TRPC4AP: variants seen among roughly 807,000 people sequenced by gnomAD.
TRPC4AP encodes the protein short transient receptor potential channel 4-associated protein.
TRPC4AP carries 45 observed loss-of-function variants against 99.0 expected under a neutral mutation model. That is an observed-to-expected ratio of 0.45 (90% CI 0.36 to 0.58). The LOEUF (loss-of-function observed/expected upper bound fraction) is 0.58. TRPC4AP is among the 20% of genes least tolerant of loss of function. The pLI is 0.00. For missense variants in TRPC4AP, 879 were observed against 985.3 expected, an observed-to-expected ratio of 0.89 and a Z score of 1.44; for synonymous variants, 408 against 385.8, an observed-to-expected ratio of 1.06 and a Z score of -0.67.
chr20:35,028,496 A>G (rs964201544), intron 8 of TRPC4AP, among the ~76,000 whole-genome samples: 2 of 152,124 alleles, frequency 1.3e-5, no homozygotes, highest in African/African-American at 4.8e-5. Flanking sequence ...CAAGTTTGTT[A>G]TTTATTTCTA....
At chr20:35,017,678 T>TAA (rs1322112207) in intron 9 of TRPC4AP, among the ~76,000 whole-genome samples, 4 of 152,222 alleles carry the variant, frequency 2.6e-5, no homozygotes, top group African/African-American at 7.2e-5. Flanking sequence ...TGCCCCTTTC[T>TAA]AGCCCACTAC....
rs147928168 is a variant in TRPC4AP at position 35,016,217 on chromosome 20, C to T, written c.1219-78G>A. ...AGCAAAACCTCGTGCTCAGTACACACGATAATGATATTCAGGACAAGTATC... is the reference window on the plus strand; with the variant it reads ...AGCAAAACCTCGTGCTCAGTACACATGATAATGATATTCAGGACAAGTATC... On this transcript the variant is annotated intron_variant, in intron 9 of 18. Coordinates refer to ENST00000252015, the MANE Select transcript of TRPC4AP (RefSeq NM_015638.3). The T allele has an allele frequency of 1.3e-4, 204 of 1,537,962 alleles. No individual in the cohort carries two copies. In the African/African-American group the frequency reaches 2.5e-3, roughly 19 times the overall value.
At chr20:35,084,529 T>C (rs960094383) in intron 1 of TRPC4AP, among the ~76,000 whole-genome samples, 24 of 148,054 alleles carry the variant, frequency 1.6e-4, no homozygotes, top group African/African-American at 3.9e-4. Flanking sequence ...TGTGTATATA[T>C]GTATATATGT....
intron 7 of TRPC4AP, among the ~76,000 whole-genome samples, chr20:35,042,363 G>A (rs1054885740): frequency 6.6e-6 from 1 of 152,124 alleles, no homozygotes; most frequent in Non-Finnish European, 1.5e-5. Context: ...ACTAAAACTA[G>A]ACAATAACAG....
chr20:35,028,668 C>A (rs747712880), intron 8 of TRPC4AP, among the ~76,000 whole-genome samples: 4 of 152,094 alleles, frequency 2.6e-5, no homozygotes, highest in Middle Eastern at 3.2e-3. Context: ...GAGGGTTCTA[C>A]AGTTCTCTGT....
rs74883214 is a variant in TRPC4AP at position 35,063,140 on chromosome 20, A to G, written c.415-5569T>C. On this transcript the variant is annotated intron_variant, in intron 3 of 18. Transcript: ENST00000252015. ...TCTCATGAGATCTGATGATTTTATA[A>G]GTGTCTGGCATTTCCCCTGCTTGCA... 9.7e-3 allele frequency among the ~76,000 whole-genome samples: 1,474 copies of G among 152,318 alleles called. 10 individuals are homozygous for G. The highest frequency in any genetic ancestry group is 0.02 in the Middle Eastern group (6 of 294).
At position 35,036,431 on chromosome 20, in the gene TRPC4AP, C is replaced by T. The variant is rs527386063; in HGVS notation, c.866-1123G>A. On this transcript the variant is annotated intron_variant, in intron 7 of 18. Coordinates refer to ENST00000252015, the MANE Select transcript of TRPC4AP (RefSeq NM_015638.3). ...TTTTGAATCCGCAGATTTTTTGGAACCATGTGAATGTTACACCTAATTAAA... is the reference window on the plus strand; with the variant it reads ...TTTTGAATCCGCAGATTTTTTGGAATCATGTGAATGTTACACCTAATTAAA... 5.7e-4 allele frequency among the ~76,000 whole-genome samples: 87 copies of T among 152,168 alleles called. 1 individual carries two copies. In the South Asian group the frequency reaches 9.1e-3, roughly 16 times the overall value.
chr20:35,007,710 GT>G (rs2082543814), intron 13 of TRPC4AP, 70 bp from the exon 14 acceptor site: 1 of 1,500,454 alleles, frequency 6.7e-7, no homozygotes. Context: ...TCTCCAAGGG[GT>G]TGGGAGATGT....
At chr20:35,089,726 G>A (rs1352215754) in intron 1 of TRPC4AP, among the ~76,000 whole-genome samples, 1 of 152,110 alleles carries the variant, frequency 6.6e-6, no homozygotes, top group Admixed American at 6.5e-5. Flanking sequence ...GCACACGACT[G>A]TAATCCCAGC....
intron 1 of TRPC4AP, among the ~76,000 whole-genome samples, chr20:35,087,173 C>CAAA (rs778236066): frequency 5.1e-5 from 6 of 118,726 alleles, no homozygotes; most frequent in Admixed American, 2.6e-4. Context: ...ACTAAAAATA[C>CAAA]AAAAAAAAAA....
rs758104900 is a variant in TRPC4AP, at chr20:35,003,583, T to C, written c.2083A>G (p.Ile695Val). The change falls in exon 18 of 19, where the codon ATC becomes GTC. Residue 695 changes from isoleucine (I) to valine (V), a missense_variant. Physicochemically the swap from Ile to Val is conservative, Grantham distance 29 (BLOSUM62 3). This residue lies in a region of TRPC4AP where 224 missense variants were observed against 264.7 expected (regional missense o/e 0.85). Coordinates refer to ENST00000252015, the MANE Select transcript of TRPC4AP (RefSeq NM_015638.3). ...TCTTTCCGTCGGGCCAGCATCAGGA[T>C]CACCAGGCTGGTGTTGAGGCAGCTG... ...NVSCLNTSLV[I>V]LMLARRKERL... The C allele has an allele frequency of 6.2e-7, 1 of 1,613,928 alleles. No homozygotes were observed. Among genetic ancestry groups the C allele is most frequent in the African/African-American group, 1.3e-5 (1 of 75,022 alleles).
intron 3 of TRPC4AP, among the ~76,000 whole-genome samples, chr20:35,061,702 A>G (rs1415992838): frequency 6.6e-6 from 1 of 152,230 alleles, no homozygotes; most frequent in East Asian, 1.9e-4. Flanking sequence ...ATGATAAACA[A>G]AGTCAATGCA....
In TRPC4AP at chr20:35,080,804, G is replaced by GTTT. The variant is rs34370030; in HGVS notation, c.169-2633_169-2631dup. Among the ~76,000 whole-genome samples the GTTT allele has an allele frequency of 3.4e-4, 17 of 49,554 alleles. No homozygotes were observed. The Admixed American group carries it at 4.4e-3, about 13-fold the overall frequency. The allele number at this position is 49,554 out of a possible 152,430, so 32.5% of individuals were successfully genotyped here. On this transcript the variant is annotated intron_variant, in intron 1 of 18. Coordinates refer to ENST00000252015, the MANE Select transcript of TRPC4AP (RefSeq NM_015638.3). The stretch of plus-strand genomic sequence containing the variant: ...AAAAACCACTGACTTGTACACTTCA[G>GTTT]TTTTTTTTTTTTTTACCCTTTTATC...
At chr20:35,023,780 A>G (rs1465835689) in intron 8 of TRPC4AP, among the ~76,000 whole-genome samples, 1 of 152,126 alleles carries the variant, frequency 6.6e-6, no homozygotes, top group Non-Finnish European at 1.5e-5. Context: ...TCCTGCAGGG[A>G]AGGATGTTTA....
intron 6 of TRPC4AP, among the ~76,000 whole-genome samples, chr20:35,049,561 G>A (rs1001804914): frequency 2.6e-5 from 4 of 152,166 alleles, no homozygotes; most frequent in Admixed American, 1.3e-4. Flanking sequence ...TTGCCCCAAC[G>A]GTGATGAGTG....
intron 3 of TRPC4AP, among the ~76,000 whole-genome samples, chr20:35,069,077 C>T (rs922452843): frequency 2.0e-5 from 3 of 151,938 alleles, no homozygotes; most frequent in Non-Finnish European, 2.9e-5. Flanking sequence ...GTACTTTTCA[C>T]TTAGTATTTT....
chr20:35,055,078 T>C (rs140526072), intron 4 of TRPC4AP, 47 bp from the exon 5 acceptor site: 13 of 1,545,120 alleles, frequency 8.4e-6, no homozygotes, highest in South Asian at 3.4e-5. Flanking sequence ...AATGAAAAGA[T>C]AGTACAACAG....
intron 1 of TRPC4AP, among the ~76,000 whole-genome samples, chr20:35,079,870 A>AT (rs1426939373): frequency 6.6e-6 from 1 of 151,390 alleles, no homozygotes; most frequent in African/African-American, 2.4e-5. Context: ...TAAAAAAAAA[A>AT]AATAAGCCAA....
intron 11 of TRPC4AP, among the ~76,000 whole-genome samples, chr20:35,011,552 T>C (rs1298102226): frequency 2.0e-5 from 3 of 152,128 alleles, no homozygotes; most frequent in Non-Finnish European, 4.4e-5. Context: ...AATTCAAAAT[T>C]CTACTTCTGT....
Sources: allele counts gnomAD v4.1 joint callset (sites outside exome capture counted in the v4.1 genomes callset), GRCh38; gene constraint gnomAD v4.1.1; regional missense constraint gnomAD v4.1.1; transcripts MANE v1.5; gene names NCBI Gene and HGNC (gene_info 2026-07-23, HGNC 2026-07-21).